CFAP299: variants seen among roughly 807,000 people sequenced by gnomAD.
The protein encoded by CFAP299 is cilia- and flagella-associated protein 299.
In CFAP299, 21 loss-of-function variants were observed where a neutral mutation model predicts 27.0. The ratio of observed to expected loss-of-function variants is 0.78; its 90% CI spans 0.55 to 1.12. The LOEUF is 1.12. CFAP299 is among the 50% of genes most tolerant of loss of function. CFAP299 has a pLI of 0.00. For synonymous variants in CFAP299, 104 were observed against 98.1 expected, an observed-to-expected ratio of 1.06 and a Z score of -0.36; for missense variants, 310 against 276.6, an observed-to-expected ratio of 1.12 and a Z score of -0.86.
intron 3 of CFAP299, among the ~76,000 whole-genome samples, chr4:80,862,865 C>T (rs2110160785): frequency 6.6e-6 from 1 of 152,194 alleles, no homozygotes; most frequent in East Asian, 1.9e-4. Context: ...GTTATCAGCA[C>T]AAAACATTCA....
Position 80,343,738 on chromosome 4 carries a change from G to A in CFAP299, c.111+7859G>A, listed in dbSNP as rs1038478531. Among the ~76,000 whole-genome samples the A allele has an allele frequency of 3.4e-5, 5 of 145,856 alleles. No individual in the cohort carries two copies. The South Asian group carries it at 6.6e-4, about 19-fold the overall frequency. ...CGGGAAGTGGAGCTTGCAGTGAGCC[G>A]AGATTGCGCCACTGCAGTCCGCAGT... On this transcript the variant is annotated intron_variant, in intron 1 of 5. Coordinates refer to ENST00000358105, the MANE Select transcript of CFAP299 (RefSeq NM_152770.3).
intron 3 of CFAP299, among the ~76,000 whole-genome samples, chr4:80,750,341 C>G (rs1156551101): frequency 6.6e-6 from 1 of 151,832 alleles, no homozygotes; most frequent in Non-Finnish European, 1.5e-5. Flanking sequence ...ATTGTTAGAC[C>G]TTGTGACATT....
At chr4:80,863,361 T>C (rs1313147705) in intron 3 of CFAP299, among the ~76,000 whole-genome samples, 1 of 152,180 alleles carries the variant, frequency 6.6e-6, no homozygotes, top group Non-Finnish European at 1.5e-5. Flanking sequence ...AATCCACTTC[T>C]GGGAAAAGAC....
In CFAP299 at chr4:80,874,855, A is replaced by C. The variant is rs915236964; in HGVS notation, c.476+4720A>C. Among the ~76,000 whole-genome samples, 6 of 152,328 alleles carry C rather than the reference A, an allele frequency of 3.9e-5. No individual in the cohort carries two copies. In the South Asian group the frequency reaches 1.0e-3, roughly 26 times the overall value. The stretch of plus-strand genomic sequence containing the variant: ...GCCACCGAGTACTTGATGTATGGTT[A>C]ACCTTGAATTAAGATGTACTGTGAG... On this transcript the variant is annotated intron_variant, in intron 4 of 5. Coordinates refer to ENST00000358105, the MANE Select transcript of CFAP299 (RefSeq NM_152770.3).
At chr4:80,491,514 G>A (rs956025107) in intron 2 of CFAP299, among the ~76,000 whole-genome samples, 2 of 151,950 alleles carry the variant, frequency 1.3e-5, no homozygotes, top group East Asian at 1.9e-4. Context: ...GGAATTTTTT[G>A]TTGTATTCAG....
chr4:80,426,528 G>A (rs1727536305), intron 2 of CFAP299, among the ~76,000 whole-genome samples: 1 of 152,130 alleles, frequency 6.6e-6, no homozygotes, highest in Non-Finnish European at 1.5e-5. Flanking sequence ...CTGGTTTGAG[G>A]TTTTCCAAAC....
chr4:80,856,540 T>C (rs1018479920), intron 3 of CFAP299, among the ~76,000 whole-genome samples: 6 of 152,008 alleles, frequency 3.9e-5, no homozygotes, highest in African/African-American at 7.3e-5. Flanking sequence ...GTTTTAGGTC[T>C]AACGTTTAAG....
rs573124906 is a variant in CFAP299 at position 80,953,335 on chromosome 4, G to A, written c.606+8396G>A. Among the ~76,000 whole-genome samples the A allele has an allele frequency of 3.7e-3, 566 of 152,114 alleles. 1 individual carries two copies. The highest frequency in any genetic ancestry group is 0.014 in the Middle Eastern group (4 of 294). On this transcript the variant is annotated intron_variant, in intron 5 of 5. Transcript: ENST00000358105. The stretch of plus-strand genomic sequence containing the variant: ...AAGCTGAGGCCTTGCCAACTTTCTC[G>A]TTTTGCTACCCAAATTACTGAATGT...
intron 2 of CFAP299, among the ~76,000 whole-genome samples, chr4:80,471,893 G>A (rs554628962): frequency 3.4e-4 from 52 of 152,160 alleles, no homozygotes; most frequent in African/African-American, 7.0e-4. Flanking sequence ...GCACTGACCC[G>A]CGGCCATCCT....
At chr4:80,405,350 C>G (rs1726363574) in intron 2 of CFAP299, among the ~76,000 whole-genome samples, 1 of 152,094 alleles carries the variant, frequency 6.6e-6, no homozygotes, top group Non-Finnish European at 1.5e-5. Context: ...AGACTAAATG[C>G]TTTGTTTTCT....
At chr4:80,596,898 G>A (rs79741692) in intron 3 of CFAP299, among the ~76,000 whole-genome samples, 6,465 of 152,088 alleles carry the variant, frequency 0.043, 426 homozygotes, top group African/African-American at 0.14. Flanking sequence ...CCATGTTGTC[G>A]TGTGCAGTTG....
intron 3 of CFAP299, among the ~76,000 whole-genome samples, chr4:80,801,090 TC>T (rs1463272220): frequency 1.3e-5 from 2 of 151,548 alleles, no homozygotes; most frequent in African/African-American, 4.8e-5. Context: ...AATGTTAATC[TC>T]CTTTGGCAAC....
At chr4:80,446,508 T>A (rs1222087310) in intron 2 of CFAP299, among the ~76,000 whole-genome samples, 1 of 152,224 alleles carries the variant, frequency 6.6e-6, no homozygotes, top group Non-Finnish European at 1.5e-5. Flanking sequence ...CTTCCATAAT[T>A]CTATCCTCTA....
At chr4:80,542,834 C>T (rs1734066094) in intron 2 of CFAP299, among the ~76,000 whole-genome samples, 1 of 152,062 alleles carries the variant, frequency 6.6e-6, no homozygotes, top group Admixed American at 6.6e-5. Flanking sequence ...CCTGCTGCTG[C>T]CCCTTTGGAG....
intron 2 of CFAP299, among the ~76,000 whole-genome samples, chr4:80,406,264 C>T (rs1335439457): frequency 6.6e-6 from 1 of 152,160 alleles, no homozygotes; most frequent in Non-Finnish European, 1.5e-5. Flanking sequence ...TTCAACAGAT[C>T]CTTAAATCTC....
At chr4:80,713,860 C>A (rs548475152) in intron 3 of CFAP299, among the ~76,000 whole-genome samples, 3 of 152,104 alleles carry the variant, frequency 2.0e-5, no homozygotes, top group African/African-American at 7.2e-5. Context: ...GAAGTAAATG[C>A]ACTTTGTGGC....
At chr4:80,695,099 A>T (rs920744793) in intron 3 of CFAP299, among the ~76,000 whole-genome samples, 11 of 152,194 alleles carry the variant, frequency 7.2e-5, no homozygotes, top group African/African-American at 2.7e-4. Context: ...AGATAATACA[A>T]ATATATGGAT....
intron 3 of CFAP299, among the ~76,000 whole-genome samples, chr4:80,838,961 C>T (rs1164587535): frequency 6.6e-6 from 1 of 152,110 alleles, no homozygotes; most frequent in Non-Finnish European, 1.5e-5. Context: ...TACAATGAGC[C>T]TGGACTGATC....
chr4:80,391,415 C>T (rs1578392049), intron 2 of CFAP299, among the ~76,000 whole-genome samples: 1 of 152,240 alleles, frequency 6.6e-6, no homozygotes, highest in African/African-American at 2.4e-5. Flanking sequence ...GCCATTCTAA[C>T]AGGTGTGAAG....
Sources: gnomAD v4.1 joint callset for allele counts (sites outside exome capture counted in the v4.1 genomes callset) on GRCh38, gnomAD v4.1.1 for gene constraint, MANE v1.5 for transcripts, NCBI Gene and HGNC (gene_info 2026-07-23, HGNC 2026-07-21) for gene names.